The following KCNQ1 variants were observed in gnomAD, a reference collection of about 807,000 sequenced individuals.
KCNQ1 encodes the protein potassium voltage-gated channel subfamily Q member 1.
Under a neutral mutation model 72.4 loss-of-function variants are expected in KCNQ1, and 49 were observed. The ratio of observed to expected loss-of-function variants is 0.68; its 90% confidence interval spans 0.54 to 0.86. KCNQ1 has a LOEUF of 0.86. KCNQ1 is among the 40% of genes least tolerant of loss of function. The pLI, the probability that KCNQ1 is intolerant of heterozygous loss-of-function variation, is 0.00. For missense variants in KCNQ1, 790 were observed against 945.1 expected (o/e 0.84, Z 2.15); for synonymous variants, 450 against 412.6 (o/e 1.09, Z -1.10).
rs567831084 is a variant in KCNQ1 at position 2,713,261 on chromosome 11, C to A, written c.1514+51180C>A. ...CCTGCATCCCGCTCCTCCTCCGCTC[C>A]CTGGAAACGTTCCCTGAATCACATT... On this transcript the variant is annotated intron_variant, in intron 11 of 15. Coordinates refer to ENST00000155840, the MANE Select transcript of KCNQ1 (RefSeq NM_000218.3). This position sits in a 1 kb window ranked among gnomAD's most constrained non-coding sequence, Gnocchi z 5.6. 2.6e-5 allele frequency among the ~76,000 whole-genome samples: 4 copies of A among 152,302 alleles called. No individual in the cohort carries two copies. The East Asian group carries it at 7.7e-4, about 29-fold the overall frequency.
At position 2,549,532 on chromosome 11, in the gene KCNQ1, G is replaced by T. The variant is rs565727231; in HGVS notation, c.478-21096G>T. Among the ~76,000 whole-genome samples the T allele has an allele frequency of 6.6e-6, 1 of 152,078 alleles. No homozygotes were observed. Among genetic ancestry groups the T allele is most frequent in the East Asian group, 1.9e-4 (1 of 5,180 alleles). On this transcript the variant is annotated intron_variant, in intron 2 of 15. Coordinates refer to ENST00000155840, the MANE Select transcript of KCNQ1 (RefSeq NM_000218.3). The surrounding 1 kb of genome is among the most constrained non-coding windows in gnomAD (Gnocchi z 6.2). ...AAAGCAGAGGGAGTGGAGTGTCACC[G>T]GGTGTCCCGGCGTGGGCAGGTCCTG...
rs1261141712 is a variant in KCNQ1, at chr11:2,642,080, CT to C, written c.1394-19880del. 1 of 398,228 alleles carries C rather than the reference CT, an allele frequency of 2.5e-6. No individual in the cohort carries two copies. Among genetic ancestry groups the C allele is most frequent in the African/African-American group, 2.1e-5 (1 of 48,588 alleles). The allele number at this position is 398,228 out of a possible 1,614,324, so 24.7% of individuals were successfully genotyped here. A position where few individuals can be genotyped will look rare whatever the true frequency, so the allele number is the denominator to read the frequency against. Reference sequence around the variant, plus strand: ...GATGCATCCAACTTTGTTATTTTTGCTCAGAATTGCTGTGGCTATTCCAGCT... The same window carrying C: ...GATGCATCCAACTTTGTTATTTTTGCCAGAATTGCTGTGGCTATTCCAGCT... On this transcript the variant is annotated intron_variant, in intron 10 of 15. Coordinates refer to ENST00000155840, the MANE Select transcript of KCNQ1 (RefSeq NM_000218.3). This position sits in a 1 kb window ranked among gnomAD's most constrained non-coding sequence, Gnocchi z 4.3.
intron 2 of KCNQ1, among the ~76,000 whole-genome samples, chr11:2,557,690 T>C (rs1848093261): frequency 6.6e-6 from 1 of 152,198 alleles, no homozygotes; most frequent in Non-Finnish European, 1.5e-5. Context: ...CAAGGCTGCA[T>C]GGATTCCTCA....
intron 15 of KCNQ1, among the ~76,000 whole-genome samples, chr11:2,833,440 G>A (rs1847994842): frequency 6.6e-6 from 1 of 152,210 alleles, no homozygotes; most frequent in African/African-American, 2.4e-5. Context: ...ATGTGAGGGA[G>A]TCTCAGCCTT....
In KCNQ1 at chr11:2,772,588, G is replaced by T. The variant is rs1210263073; in HGVS notation, c.1591-3372G>T. ...TGCCACCGGGCCGTGGGTCCTCATGGTCTGCGGGCATTGCTGAGCCTTCTT... is the reference window on the plus strand; with the variant it reads ...TGCCACCGGGCCGTGGGTCCTCATGTTCTGCGGGCATTGCTGAGCCTTCTT... On this transcript the variant is annotated intron_variant, in intron 12 of 15. Coordinates refer to ENST00000155840, the MANE Select transcript of KCNQ1 (RefSeq NM_000218.3). This position sits in a 1 kb window ranked among gnomAD's most constrained non-coding sequence, Gnocchi z 6.6. Among the ~76,000 whole-genome samples the T allele has an allele frequency of 6.6e-6, 1 of 152,128 alleles. No individual in the cohort carries two copies. The highest frequency in any genetic ancestry group is 2.4e-5 in the African/African-American group (1 of 41,432).
intron 15 of KCNQ1, among the ~76,000 whole-genome samples, chr11:2,796,693 G>A (rs750251326): frequency 2.0e-5 from 3 of 152,196 alleles, no homozygotes; most frequent in Non-Finnish European, 2.9e-5. Context: ...AGGTGCAGGC[G>A]GTGGACAGAC....
intron 15 of KCNQ1, among the ~76,000 whole-genome samples, chr11:2,794,285 G>A (rs1249092699): frequency 6.6e-6 from 1 of 152,238 alleles, no homozygotes; most frequent in East Asian, 1.9e-4. Context: ...GGGGAGAAAG[G>A]TTGGAGAAGG....
At chr11:2,586,962 C>T (rs886867524) in intron 8 of KCNQ1, among the ~76,000 whole-genome samples, 1 of 152,168 alleles carries the variant, frequency 6.6e-6, no homozygotes, top group Admixed American at 6.5e-5. Flanking sequence ...TCCTCCCACC[C>T]TTCCCTTGTG....
At position 2,661,021 on chromosome 11, in the gene KCNQ1, G is replaced by C. The variant is rs960088811; in HGVS notation, c.1394-940G>C. ...AATTAAATCCATGCCTATATACCTA[G>C]AGAAAAATGAAATGAGCTTATGTTA... On this transcript the variant is annotated intron_variant, in intron 10 of 15. Transcript: ENST00000155840. This position sits in a 1 kb window ranked among gnomAD's most constrained non-coding sequence, Gnocchi z 5.9. 4 of 398,438 alleles carry C rather than the reference G, an allele frequency of 1.0e-5. No individual in the cohort carries two copies. Among genetic ancestry groups the C allele is most frequent in the African/African-American group, 8.2e-5 (4 of 48,606 alleles). The allele number at this position is 398,438 out of a possible 1,614,324, so 24.7% of individuals were successfully genotyped here.
Position 2,735,637 on chromosome 11 carries a change from C to T in KCNQ1, c.1515-33207C>T, listed in dbSNP as rs77013800. 6.6e-6 allele frequency among the ~76,000 whole-genome samples: 1 copy of T among 152,114 alleles called. No homozygotes were observed. Among genetic ancestry groups the T allele is most frequent in the African/African-American group, 2.4e-5 (1 of 41,418 alleles). ...ATGACATGAGTCCACTCCGCTGTCA[C>T]CACCAAGACCACAGTGGGGCAGTTT... On this transcript the variant is annotated intron_variant, in intron 11 of 15. Coordinates refer to ENST00000155840, the MANE Select transcript of KCNQ1 (RefSeq NM_000218.3). The surrounding 1 kb of genome is among the most constrained non-coding windows in gnomAD (Gnocchi z 7.7).
At chr11:2,777,172 GT>G in intron 14 of KCNQ1, 140 bp downstream of exon 14, 1 of 838,542 alleles carries the variant, frequency 1.2e-6, no homozygotes, top group Non-Finnish European at 2.0e-6. Flanking sequence ...AAGCCAGGGA[GT>G]AAGGGGAGGT....
rs1427372114 is a variant in KCNQ1, at chr11:2,715,823, C to T, written c.1515-53021C>T. Among the ~76,000 whole-genome samples, 8 of 152,240 alleles carry T rather than the reference C, an allele frequency of 5.3e-5. No individual in the cohort carries two copies. The highest frequency in any genetic ancestry group is 1.9e-4 in the East Asian group (1 of 5,188). On this transcript the variant is annotated intron_variant, in intron 11 of 15. Coordinates refer to ENST00000155840, the MANE Select transcript of KCNQ1 (RefSeq NM_000218.3). The surrounding 1 kb of genome is among the most constrained non-coding windows in gnomAD (Gnocchi z 4.9). The stretch of plus-strand genomic sequence containing the variant: ...CGCATCCCACATCCCCGCAGCCTTG[C>T]GCTGGTCTAAATGCCTCCCAGCCTC...
chr11:2,530,772 C>A (rs563235626), intron 2 of KCNQ1, among the ~76,000 whole-genome samples: 3 of 152,112 alleles, frequency 2.0e-5, no homozygotes, highest in Non-Finnish European at 4.4e-5. Flanking sequence ...TTGTAGTGTG[C>A]GCCTGTGAGC....
intron 11 of KCNQ1, chr11:2,681,981 T>C (rs1469579218): frequency 7.5e-6 from 3 of 398,510 alleles, no homozygotes; most frequent in Admixed American, 8.8e-5. Context: ...CAGGCAAATA[T>C]AGACATCATT....
chr11:2,496,736 C>T (rs1277248295), intron 1 of KCNQ1, among the ~76,000 whole-genome samples: 1 of 151,948 alleles, frequency 6.6e-6, no homozygotes, highest in Non-Finnish European at 1.5e-5. Flanking sequence ...ATGATGCTAG[C>T]TGGTTATTCT....
intron 2 of KCNQ1, among the ~76,000 whole-genome samples, chr11:2,528,855 C>T (rs1346593381): frequency 3.3e-5 from 5 of 152,244 alleles, no homozygotes; most frequent in Admixed American, 6.5e-5. Context: ...GAGCCCGTCC[C>T]TCCGGGGTCC....
At chr11:2,655,978 C>T (rs1312115721) in intron 10 of KCNQ1, 1 of 398,682 alleles carries the variant, frequency 2.5e-6, no homozygotes, top group Non-Finnish European at 4.4e-6. Flanking sequence ...CTCTGGGCAG[C>T]CAACTGATGT....
At chr11:2,531,944 A>G (rs371170381) in intron 2 of KCNQ1, among the ~76,000 whole-genome samples, 21 of 152,234 alleles carry the variant, frequency 1.4e-4, no homozygotes, top group African/African-American at 4.6e-4. Context: ...GTTCAGGCCC[A>G]TCACCTGTAA....
In KCNQ1 at chr11:2,830,690, G is replaced by A. The variant is rs1027399485; in HGVS notation, c.1795-17077G>A. ...CCCTTCCACTCACCTTCCGAGCATT[G>A]TGGGCCTTCCCAGGAACCCCCACAT... On this transcript the variant is annotated intron_variant, in intron 15 of 15. Coordinates refer to ENST00000155840, the MANE Select transcript of KCNQ1 (RefSeq NM_000218.3). This position sits in a 1 kb window ranked among gnomAD's most constrained non-coding sequence, Gnocchi z 7.7. Among the ~76,000 whole-genome samples, 2 of 152,080 alleles carry A rather than the reference G, an allele frequency of 1.3e-5. No individual in the cohort carries two copies. The highest frequency in any genetic ancestry group is 4.8e-5 in the African/African-American group (2 of 41,424).
Sources: allele counts gnomAD v4.1 joint callset (sites outside exome capture counted in the v4.1 genomes callset), GRCh38; gene constraint gnomAD v4.1.1; non-coding constraint Gnocchi (gnomAD v3.1); transcripts MANE v1.5; gene names NCBI Gene and HGNC (gene_info 2026-07-23, HGNC 2026-07-21).